Variants in HDAC4 observed in about 807,000 individuals in gnomAD.
HDAC4 encodes histone deacetylase 4, also known as histone deacetylase A.
Under a neutral mutation model 135.1 loss-of-function variants are expected in HDAC4, and 16 were observed. The ratio of observed to expected loss-of-function variants is 0.12; its 90% CI spans 0.08 to 0.18. The LOEUF is 0.18. Among genes scored for constraint, HDAC4 ranks in the 10% least tolerant of loss-of-function variants. The pLI is 1.00. For synonymous variants in HDAC4, 685 were observed against 653.4 expected (o/e 1.05, Z -0.74); for missense variants, 1,143 against 1,511.8 (o/e 0.76, Z 4.05).
chr2:239,320,967 A>G (rs1362676286), intron 2 of HDAC4, among the ~76,000 whole-genome samples: 3 of 152,198 alleles, frequency 2.0e-5, no homozygotes. Context: ...TCATATTTAC[A>G]TGATTTATAC....
intron 1 of HDAC4, among the ~76,000 whole-genome samples, chr2:239,387,022 T>C (rs1695859417): frequency 6.6e-6 from 1 of 152,238 alleles, no homozygotes; most frequent in Non-Finnish European, 1.5e-5. Flanking sequence ...AGCACGTGTG[T>C]GCAGATGTCT....
intron 2 of HDAC4, among the ~76,000 whole-genome samples, chr2:239,316,433 C>G (rs1336306403): frequency 6.6e-6 from 1 of 152,050 alleles, no homozygotes; most frequent in Admixed American, 6.6e-5. Flanking sequence ...GACCCCATCT[C>G]TACAAAAAAA....
intron 2 of HDAC4, among the ~76,000 whole-genome samples, chr2:239,255,736 G>A (rs1362495776): frequency 6.6e-6 from 1 of 152,134 alleles, no homozygotes; most frequent in Non-Finnish European, 1.5e-5. Context: ...TAAAAGCAGG[G>A]TACGAGCTCA....
At chr2:239,182,974 T>A (rs887652385) in intron 4 of HDAC4, among the ~76,000 whole-genome samples, 3 of 152,240 alleles carry the variant, frequency 2.0e-5, no homozygotes, top group African/African-American at 7.2e-5. Flanking sequence ...GATGCGCTTA[T>A]TTTTAAGTTA....
At chr2:239,333,013 A>T (rs1691688379) in intron 2 of HDAC4, among the ~76,000 whole-genome samples, 1 of 152,206 alleles carries the variant, frequency 6.6e-6, no homozygotes, top group Non-Finnish European at 1.5e-5. Flanking sequence ...CTGACACAAG[A>T]AAATCTTAAA....
At chr2:239,188,456 C>G (rs1049822389) in intron 4 of HDAC4, among the ~76,000 whole-genome samples, 1 of 152,232 alleles carries the variant, frequency 6.6e-6, no homozygotes, top group East Asian at 1.9e-4. Flanking sequence ...GGTGGGCACA[C>G]TAATATCTGT....
chr2:239,263,662 TAA>T (rs995982440), intron 2 of HDAC4, among the ~76,000 whole-genome samples: 4 of 152,104 alleles, frequency 2.6e-5, no homozygotes, highest in Admixed American at 2.0e-4. Context: ...GAGAGAAGAA[TAA>T]ACAGGGTCAG....
chr2:239,377,583 C>A (rs1695103664), intron 1 of HDAC4, among the ~76,000 whole-genome samples: 1 of 152,202 alleles, frequency 6.6e-6, no homozygotes, highest in African/African-American at 2.4e-5. Context: ...TATGATGTAT[C>A]CTGCCTCACT....
At chr2:239,073,500 G>A (rs773438617) in intron 22 of HDAC4, among the ~76,000 whole-genome samples, 28 of 152,210 alleles carry the variant, frequency 1.8e-4, no homozygotes, top group Non-Finnish European at 3.5e-4. Flanking sequence ...GCGTGCGAGC[G>A]TCCCTGTGCT....
At chr2:239,062,029 T>C (rs1272950495) in intron 24 of HDAC4, among the ~76,000 whole-genome samples, 2 of 152,192 alleles carry the variant, frequency 1.3e-5, no homozygotes. Flanking sequence ...GGGTCTTTGA[T>C]GGAAGTTGGC....
chr2:239,185,078 G>T (rs2044454288), intron 4 of HDAC4, among the ~76,000 whole-genome samples: 1 of 107,396 alleles, frequency 9.3e-6, no homozygotes, highest in Non-Finnish European at 2.1e-5. Flanking sequence ...TGCCCTATGG[G>T]TGGGTCCCTC....
intron 2 of HDAC4, among the ~76,000 whole-genome samples, chr2:239,325,126 A>G (rs2053432391): frequency 6.6e-6 from 1 of 152,162 alleles, no homozygotes; most frequent in Non-Finnish European, 1.5e-5. Flanking sequence ...AAGAACTAAA[A>G]CCATAAAACT....
At chr2:239,230,425 C>CCGTCCTG (rs1381798770) in intron 3 of HDAC4, among the ~76,000 whole-genome samples, 2 of 147,814 alleles carry the variant, frequency 1.4e-5, no homozygotes, top group African/African-American at 2.6e-5. Flanking sequence ...GCGGACATGA[C>CCGTCCTG]CGTCCTGGCC....
rs760029465 is a variant in HDAC4 at position 239,306,828 on chromosome 2, G to A, written c.22+45850C>T. Among the ~76,000 whole-genome samples the A allele has an allele frequency of 3.9e-4, 59 of 152,076 alleles. No individual in the cohort carries two copies. The highest frequency in any genetic ancestry group is 1.3e-3 in the Admixed American group (20 of 15,286). ...CTGGCCTGGTTTCCCACACACCCCC[G>A]AGGAGCCAGACAGGATCGAGAGAAC... On this transcript the variant is annotated intron_variant, in intron 2 of 26. Coordinates refer to ENST00000543185, the MANE Select transcript of HDAC4 (RefSeq NM_001378414.1). This position sits in a 1 kb window ranked among gnomAD's most constrained non-coding sequence, Gnocchi z 4.5.
chr2:239,346,978 AAC>A (rs34061813), intron 2 of HDAC4, among the ~76,000 whole-genome samples: 1 of 135,410 alleles, frequency 7.4e-6, no homozygotes, highest in African/African-American at 2.7e-5. Flanking sequence ...CACGCACCCT[AAC>A]ACACACACCC....
intron 3 of HDAC4, among the ~76,000 whole-genome samples, chr2:239,200,662 T>C (rs2045699963): frequency 6.6e-6 from 1 of 152,212 alleles, no homozygotes; most frequent in Admixed American, 6.5e-5. Flanking sequence ...TTGCTTTCCA[T>C]TGAAATCAAA....
At chr2:239,183,385 C>T (rs561278457) in intron 4 of HDAC4, among the ~76,000 whole-genome samples, 69 of 152,342 alleles carry the variant, frequency 4.5e-4, no homozygotes, top group Non-Finnish European at 7.1e-4. Flanking sequence ...GGGCAGATGC[C>T]GCGCCCGCAT....
In HDAC4 at chr2:239,068,669, A is replaced by T; in HGVS notation, c.2751-62T>A. 1.4e-6 allele frequency: 2 copies of T among 1,405,200 alleles called. No individual in the cohort carries two copies. Among genetic ancestry groups the T allele is most frequent in the Non-Finnish European group, 2.0e-6 (2 of 990,894 alleles). The allele number at this position is 1,405,200 out of a possible 1,614,324, so 87.0% of individuals were successfully genotyped here. ...GAAAGAGGGACGGGACGGTCACAAA[A>T]CCCCAAGGTTCCCTCTGGCATTGAT... On this transcript the variant is annotated intron_variant, in intron 22 of 26. Transcript: ENST00000543185. The surrounding 1 kb of genome is among the most constrained non-coding windows in gnomAD (Gnocchi z 4.4).
Position 239,309,292 on chromosome 2 carries a change from C to T in HDAC4, c.22+43386G>A, listed in dbSNP as rs542624028. 7 of 152,198 alleles carry T rather than the reference C, an allele frequency of 4.6e-5. No individual in the cohort carries two copies. In the South Asian group the frequency reaches 6.2e-4, roughly 14 times the overall value. 9.4% of individuals were successfully genotyped at this position (152,198 alleles called of 1,614,324 possible). ...ATAACAAGCAGATGATACGAGAGAT[C>T]ACCACAGTGTTTCGGCTCGAGAGTC... On this transcript the variant is annotated intron_variant, in intron 2 of 26. Transcript: ENST00000543185. The surrounding 1 kb of genome is among the most constrained non-coding windows in gnomAD (Gnocchi z 4.2).
Sources: gnomAD v4.1 joint callset for allele counts (sites outside exome capture counted in the v4.1 genomes callset) on GRCh38, gnomAD v4.1.1 for gene constraint, Gnocchi (gnomAD v3.1) non-coding constraint, MANE v1.5 for transcripts, NCBI Gene and HGNC (gene_info 2026-07-23, HGNC 2026-07-21) for gene names.